The following TLR4 variants were observed in gnomAD, a reference collection of about 807,000 sequenced individuals.
TLR4 encodes toll like receptor 4, also known as toll-like receptor 4.
Under a neutral mutation model 27.4 loss-of-function variants are expected in TLR4, and 17 were observed. That is an observed-to-expected ratio of 0.62 (90% CI 0.42 to 0.93). The LOEUF (loss-of-function observed/expected upper bound fraction) is 0.93, where lower values mean the gene tolerates loss of function less well. TLR4 is among the 40% of genes least tolerant of loss of function. TLR4 has a pLI of 0.00. For synonymous variants in TLR4, 363 were observed against 365.7 expected, an observed-to-expected ratio of 0.99 and a Z score of 0.08; for missense variants, 926 against 962.3, an observed-to-expected ratio of 0.96 and a Z score of 0.50.
At position 117,708,746 on chromosome 9, in the gene TLR4, T is replaced by G. The variant is rs1431993703; in HGVS notation, c.260+17T>G. The G allele has an allele frequency of 6.2e-7, 1 of 1,613,420 alleles. No homozygotes were observed. Among genetic ancestry groups the G allele is most frequent in the Non-Finnish European group, 8.5e-7 (1 of 1,179,590 alleles). On this transcript the variant is annotated intron_variant, in intron 2 of 2. Coordinates refer to ENST00000355622, the MANE Select transcript of TLR4 (RefSeq NM_138554.5). ...TTTATCCAGGTAATGAATCCACTTT[T>G]ACATACTGCACAAGGTGAGGTGTTC...
At chr9:117,706,006 T>C (rs912167857) in intron 1 of TLR4, among the ~76,000 whole-genome samples, 3 of 152,196 alleles carry the variant, frequency 2.0e-5, no homozygotes, top group African/African-American at 7.2e-5. Flanking sequence ...TAGTTTTATT[T>C]AACTTAGCGT....
rs1055898469 is a variant in TLR4, at chr9:117,721,819, G to T, written c.*7171G>T. The stretch of plus-strand genomic sequence containing the variant: ...ATATGGTTATTGGTTTTGTTCTTGA[G>T]ATTTATTGCTAAGATTCATGATAGC... On this transcript the variant is annotated 3_prime_UTR_variant, in exon 3 of 3. Coordinates refer to ENST00000355622, the MANE Select transcript of TLR4 (RefSeq NM_138554.5). The T allele has an allele frequency of 6.6e-6, 1 of 152,116 alleles. No individual in the cohort carries two copies. Among genetic ancestry groups the T allele is most frequent in the African/African-American group, 2.4e-5 (1 of 41,410 alleles). 9.4% of individuals were successfully genotyped at this position (152,116 alleles called of 1,614,324 possible).
In TLR4 at chr9:117,708,651, T is replaced by C; in HGVS notation, c.182T>C (p.Leu61Pro). ...NLPFSTKNLD[L>P]SFNPLRHLGS... is the part of the protein sequence containing the mutation. Reference sequence around the variant, plus strand: ...CCCTTCTCAACCAAGAACCTGGACCTGAGCTTTAATCCCCTGAGGCATTTA... The same window carrying C: ...CCCTTCTCAACCAAGAACCTGGACCCGAGCTTTAATCCCCTGAGGCATTTA... The change falls in exon 2 of 3, where the codon CTG becomes CCG. Residue 61 changes from leucine (L) to proline (P), a missense_variant. Coordinates refer to ENST00000355622, the MANE Select transcript of TLR4 (RefSeq NM_138554.5). The C allele has an allele frequency of 6.2e-7, 1 of 1,613,968 alleles. No homozygotes were observed. Among genetic ancestry groups the C allele is most frequent in the Non-Finnish European group, 8.5e-7 (1 of 1,179,822 alleles).
chr9:117,708,672 A>C lies in TLR4; in HGVS notation c.203A>C (p.His68Pro). The change falls in exon 2 of 3, where the codon CAT becomes CCT. Residue 68 changes from histidine to proline, a missense_variant. Coordinates refer to ENST00000355622, the MANE Select transcript of TLR4 (RefSeq NM_138554.5). Reference protein sequence around the residue: ...NLDLSFNPLRHLGSYSFFSFP... With the variant: ...NLDLSFNPLRPLGSYSFFSFP... ...GACCTGAGCTTTAATCCCCTGAGGCATTTAGGCAGCTATAGCTTCTTCAGT... is the reference window on the plus strand; with the variant it reads ...GACCTGAGCTTTAATCCCCTGAGGCCTTTAGGCAGCTATAGCTTCTTCAGT... 1.9e-6 allele frequency: 3 copies of C among 1,613,978 alleles called. No individual in the cohort carries two copies. The South Asian group carries it at 3.3e-5, about 18-fold the overall frequency.
At position 117,716,120 on chromosome 9, in the gene TLR4, T is replaced by C. The variant is rs199662750; in HGVS notation, c.*1472T>C. 1 of 152,028 alleles carries C rather than the reference T, an allele frequency of 6.6e-6. No homozygotes were observed. Among genetic ancestry groups the C allele is most frequent in the South Asian group, 2.1e-4 (1 of 4,822 alleles). The allele number at this position is 152,028 out of a possible 1,614,324, so 9.4% of individuals were successfully genotyped here. On this transcript the variant is annotated 3_prime_UTR_variant, in exon 3 of 3. Transcript: ENST00000355622. The stretch of plus-strand genomic sequence containing the variant: ...CTTCACTGCTGGAGGGAATGGAAAA[T>C]GGTGTAGCCGTTATGAAAAACAGTA...
chr9:117,710,558 A>G (rs1004079848), intron 2 of TLR4, among the ~76,000 whole-genome samples: 3 of 151,850 alleles, frequency 2.0e-5, no homozygotes, highest in African/African-American at 7.3e-5. Context: ...GAAACCTTAA[A>G]TCTGTGCTTA....
intron 2 of TLR4, among the ~76,000 whole-genome samples, chr9:117,710,997 G>C (rs1829221847): frequency 6.6e-6 from 1 of 152,002 alleles, no homozygotes; most frequent in East Asian, 1.9e-4. Flanking sequence ...ATAGAATGAT[G>C]GGCTATAACA....
rs1048363541 is a variant in TLR4 at position 117,716,353 on chromosome 9, A to G, written c.*1705A>G. The G allele has an allele frequency of 6.6e-6, 1 of 152,210 alleles. No individual in the cohort carries two copies. The highest frequency in any genetic ancestry group is 1.5e-5 in the Non-Finnish European group (1 of 68,030). 9.4% of individuals were successfully genotyped at this position (152,210 alleles called of 1,614,324 possible). The stretch of plus-strand genomic sequence containing the variant: ...AAATAAATGGACAAAGAAAATGTGC[A>G]TATACGTACAATGGGATATTATTCA... On this transcript the variant is annotated 3_prime_UTR_variant, in exon 3 of 3. Transcript: ENST00000355622.
Position 117,704,565 on chromosome 9 carries a change from G to C in TLR4, c.93G>C (p.Glu31Asp), listed in dbSNP as rs1347844721. ...CAGAAAGCTGGGAGCCCTGCGTGGAGGTATGTGGCTGGAGTCAGCTCCTCT... is the reference window on the plus strand; with the variant it reads ...CAGAAAGCTGGGAGCCCTGCGTGGACGTATGTGGCTGGAGTCAGCTCCTCT... Reference protein sequence around the residue: ...VRPESWEPCVEVVPNITYQCM... With the variant: ...VRPESWEPCVDVVPNITYQCM... Residue 31 changes from glutamate (E) to aspartate (D), a missense_variant and splice_region_variant, in exon 1 of 3, where the codon GAG (glutamate) becomes GAC (aspartate). Transcript: ENST00000355622. 6.2e-7 allele frequency: 1 copy of C among 1,613,530 alleles called. No homozygotes were observed. Among genetic ancestry groups the C allele is most frequent in the Non-Finnish European group, 8.5e-7 (1 of 1,179,768 alleles).
chr9:117,704,743 G>A (rs1354958564), intron 1 of TLR4, among the ~76,000 whole-genome samples, 178 bp downstream of exon 1: 2 of 152,076 alleles, frequency 1.3e-5, no homozygotes, highest in Non-Finnish European at 2.9e-5. Context: ...GCAGCCATTG[G>A]GGGTTTGTTC....
chr9:117,708,490 A>G (rs1490356457), intron 1 of TLR4, 73 bp from the exon 2 acceptor site: 3 of 1,609,526 alleles, frequency 1.9e-6, no homozygotes, highest in South Asian at 2.2e-5. Flanking sequence ...CCTCTCCACC[A>G]TCTCTGGTCT....
rs200884476 is a variant in TLR4 at position 117,713,943 on chromosome 9, A to G, written c.1815A>G (p.Glu605=). The part of the protein sequence containing the change: ...KDQRQLLVEV[E]RMECATPSDK... ...AGAGGCAGCTCTTGGTGGAAGTTGAACGAATGGAATGTGCAACACCTTCAG... is the reference window on the plus strand; with the variant it reads ...AGAGGCAGCTCTTGGTGGAAGTTGAGCGAATGGAATGTGCAACACCTTCAG... The change falls in exon 3 of 3, where the codon GAA becomes GAG. Residue 605 remains glutamate, a synonymous_variant. Coordinates refer to ENST00000355622, the MANE Select transcript of TLR4 (RefSeq NM_138554.5). 4.5e-5 allele frequency: 72 copies of G among 1,613,934 alleles called. No homozygotes were observed. The highest frequency in any genetic ancestry group is 6.1e-5 in the Non-Finnish European group (72 of 1,180,014).
Position 117,708,742 on chromosome 9 carries a change from C to T in TLR4, c.260+13C>T, listed in dbSNP as rs200717542. The T allele has an allele frequency of 3.9e-4, 625 of 1,613,290 alleles. No individual in the cohort carries two copies. The highest frequency in any genetic ancestry group is 4.9e-4 in the Non-Finnish European group (583 of 1,179,604). Reference sequence around the variant, plus strand: ...TGGATTTATCCAGGTAATGAATCCACTTTTACATACTGCACAAGGTGAGGT... The same window carrying T: ...TGGATTTATCCAGGTAATGAATCCATTTTTACATACTGCACAAGGTGAGGT... On this transcript the variant is annotated intron_variant, in intron 2 of 2. Transcript: ENST00000355622.
rs1829442630 is a variant in TLR4 at position 117,723,294 on chromosome 9, T to C, written c.*8646T>C. ...GAGACTCATTCGTCAAGTCATGATGTATCCATGTATTTATAATATTTCCCA... is the reference window on the plus strand; with the variant it reads ...GAGACTCATTCGTCAAGTCATGATGCATCCATGTATTTATAATATTTCCCA... On this transcript the variant is annotated 3_prime_UTR_variant, in exon 3 of 3. Transcript: ENST00000355622. 2.6e-5 allele frequency: 4 copies of C among 152,228 alleles called. No individual in the cohort carries two copies. The South Asian group carries it at 6.2e-4, about 24-fold the overall frequency. The allele number at this position is 152,228 out of a possible 1,614,324, so 9.4% of individuals were successfully genotyped here. A position where few individuals can be genotyped will look rare whatever the true frequency, so the allele number is the denominator to read the frequency against.
intron 1 of TLR4, among the ~76,000 whole-genome samples, chr9:117,706,345 A>AT (rs895578514): frequency 7.9e-5 from 12 of 151,204 alleles, no homozygotes; most frequent in African/African-American, 2.7e-4. Flanking sequence ...ACTGCTTAAT[A>AT]TTTTTTTTTC....
Position 117,717,258 on chromosome 9 carries a change from T to C in TLR4, c.*2610T>C, listed in dbSNP as rs1829363994. 1 of 152,114 alleles carries C rather than the reference T, an allele frequency of 6.6e-6. No homozygotes were observed. The highest frequency in any genetic ancestry group is 1.5e-5 in the Non-Finnish European group (1 of 68,020). 9.4% of individuals were successfully genotyped at this position (152,114 alleles called of 1,614,324 possible). A position where few individuals can be genotyped will look rare whatever the true frequency, so the allele number is the denominator to read the frequency against. On this transcript the variant is annotated 3_prime_UTR_variant, in exon 3 of 3. Coordinates refer to ENST00000355622, the MANE Select transcript of TLR4 (RefSeq NM_138554.5). ...TGTACAGTAGTCTCCCCTTATCCCT[T>C]ATGCTTGGTGGATACGTTCTTAGAC...
chr9:117,709,075 T>TATTG (rs1210555372), intron 2 of TLR4: 1 of 271,058 alleles, frequency 3.7e-6, no homozygotes, highest in African/African-American at 2.2e-5. Flanking sequence ...GACAGGCATA[T>TATTG]ATTGATATAT....
chr9:117,713,019 C>A lies in TLR4; in HGVS notation c.891C>A (p.Leu297=). 1 of 1,613,960 alleles carries A rather than the reference C, an allele frequency of 6.2e-7. No homozygotes were observed. The highest frequency in any genetic ancestry group is 8.5e-7 in the Non-Finnish European group (1 of 1,179,952). Residue 297 remains leucine, a synonymous_variant, in exon 3 of 3, where the codon CTC becomes CTA. Coordinates refer to ENST00000355622, the MANE Select transcript of TLR4 (RefSeq NM_138554.5). ...GATTAGCATACTTAGACTACTACCT[C>A]GATGATATTATTGACTTATTTAATT... ...EFRLAYLDYY[L]DDIIDLFNCL...
rs1311081613 is a variant in TLR4, at chr9:117,724,272, C to T, written c.*9624C>T. 1 of 152,278 alleles carries T rather than the reference C, an allele frequency of 6.6e-6. No individual in the cohort carries two copies. The highest frequency in any genetic ancestry group is 1.9e-4 in the East Asian group (1 of 5,190). The allele number at this position is 152,278 out of a possible 1,614,324, so 9.4% of individuals were successfully genotyped here. A position where few individuals can be genotyped will look rare whatever the true frequency, so the allele number is the denominator to read the frequency against. On this transcript the variant is annotated 3_prime_UTR_variant, in exon 3 of 3. Transcript: ENST00000355622. ...TGTCTCTGCCCTTTACTTTTTCTGG[C>T]TCTTGCCACGGTTTTGAATAAAACT... is the stretch of plus-strand genomic sequence containing the variant.
Sources: allele counts gnomAD v4.1 joint callset (sites outside exome capture counted in the v4.1 genomes callset), GRCh38; gene constraint gnomAD v4.1.1; transcripts MANE v1.5; gene names NCBI Gene and HGNC (gene_info 2026-07-23, HGNC 2026-07-21).